The following AP3B2 variants were observed in gnomAD, a reference collection of about 807,000 sequenced individuals.
The protein encoded by AP3B2 is adaptor related protein complex 3 subunit beta 2, also known as AP-3 complex subunit beta-2.
A neutral mutation model predicts 126.9 loss-of-function variants in AP3B2; 50 were observed. The ratio of observed to expected loss-of-function variants is 0.39; its 90% CI spans 0.31 to 0.50. The LOEUF is 0.50. AP3B2 is among the 20% of genes least tolerant of loss of function. The pLI is 0.79. For missense variants in AP3B2, 1,177 were observed against 1,426.4 expected, an observed-to-expected ratio of 0.83 and a Z score of 2.82; for synonymous variants, 541 against 565.0, an observed-to-expected ratio of 0.96 and a Z score of 0.60.
intron 1 of AP3B2, chr15:82,699,568 G>A (rs1292184217): frequency 2.5e-6 from 1 of 399,302 alleles, no homozygotes; most frequent in South Asian, 1.3e-4. Flanking sequence ...TGGGCTGAGA[G>A]TGCAACTGCC....
intron 1 of AP3B2, among the ~76,000 whole-genome samples, chr15:82,696,363 A>C (rs1394185044): frequency 1.3e-5 from 2 of 152,198 alleles, no homozygotes; most frequent in Admixed American, 1.3e-4. Flanking sequence ...AGATCACTTA[A>C]GGTCAGGAGT....
chr15:82,665,643 G>A lies in AP3B2; in HGVS notation c.1853-68C>T. The A allele has an allele frequency of 1.6e-6, 2 of 1,284,622 alleles. No individual in the cohort carries two copies. Among genetic ancestry groups the A allele is most frequent in the South Asian group, 1.3e-5 (1 of 79,440 alleles). 79.6% of individuals were successfully genotyped at this position (1,284,622 alleles called of 1,614,324 possible). ...GAAAGCTCTGGGAGCTGTTTTCCAG[G>A]TGGGGCTGGGTGGTGATTCTGGTTG... On this transcript the variant is annotated intron_variant, in intron 15 of 26. Transcript: ENST00000535359. This position sits in a 1 kb window ranked among gnomAD's most constrained non-coding sequence, Gnocchi z 4.4.
chr15:82,687,531 C>T (rs769338290), intron 4 of AP3B2: 8 of 152,170 alleles, frequency 5.3e-5, no homozygotes, highest in East Asian at 1.9e-4. Context: ...CAATCTAAGA[C>T]GGATTCCATG....
chr15:82,692,026 T>TGACG (rs1272512105), intron 1 of AP3B2: 2 of 1,471,208 alleles, frequency 1.4e-6, no homozygotes, highest in East Asian at 2.3e-5. Flanking sequence ...GCCAGCTGCC[T>TGACG]GAGGAAGTCC....
chr15:82,689,827 G>A (rs2048494056), intron 1 of AP3B2: 1 of 215,840 alleles, frequency 4.6e-6, no homozygotes, highest in African/African-American at 2.3e-5. Flanking sequence ...TGTGGGCTGG[G>A]TGTGGCGGCT....
At chr15:82,675,184 C>T (rs370661002) in intron 14 of AP3B2, among the ~76,000 whole-genome samples, 25 of 152,226 alleles carry the variant, frequency 1.6e-4, no homozygotes, top group African/African-American at 5.8e-4. Flanking sequence ...CTCCAATCTG[C>T]TTTGCCCACA....
chr15:82,671,678 T>C (rs551012593), intron 14 of AP3B2, among the ~76,000 whole-genome samples: 2 of 150,424 alleles, frequency 1.3e-5, no homozygotes, highest in Non-Finnish European at 3.0e-5. Context: ...GAGGCAGAGG[T>C]TGCAGTGAGG....
rs567744729 is a variant in AP3B2 at position 82,692,114 on chromosome 15, G to C, written c.114-2661C>G. ...CCACGGGGCCACCCACCCCGACTTC[G>C]TAAGTCCTGGAGAACTCCACACGAA... On this transcript the variant is annotated intron_variant, in intron 1 of 26. Coordinates refer to ENST00000535359, the MANE Select transcript of AP3B2 (RefSeq NM_001278512.2). 46 of 1,491,794 alleles carry C rather than the reference G, an allele frequency of 3.1e-5. No homozygotes were observed. In the South Asian group the frequency reaches 3.7e-4, roughly 12 times the overall value. The allele number at this position is 1,491,794 out of a possible 1,614,324, so 92.4% of individuals were successfully genotyped here.
In AP3B2 at chr15:82,680,089, G is replaced by A. The variant is rs559840537; in HGVS notation, c.1110+86C>T. The A allele has an allele frequency of 9.7e-5, 151 of 1,558,298 alleles. No homozygotes were observed. In the African/African-American group the frequency reaches 1.7e-3, roughly 17 times the overall value. ...GTATTCCTCCATCTTCCCTTTCCCC[G>A]GCCCCGGTCCCAGCCCCGACAACGC... On this transcript the variant is annotated intron_variant, in intron 9 of 26. Coordinates refer to ENST00000535359, the MANE Select transcript of AP3B2 (RefSeq NM_001278512.2). The surrounding 1 kb of genome is among the most constrained non-coding windows in gnomAD (Gnocchi z 6.1).
At chr15:82,679,249 G>A (rs934913797) in intron 10 of AP3B2, among the ~76,000 whole-genome samples, 1 of 152,114 alleles carries the variant, frequency 6.6e-6, no homozygotes, top group African/African-American at 2.4e-5. Flanking sequence ...TCAGCCTCTC[G>A]AGTAGCTGGG....
At chr15:82,671,546 G>A (rs1347327227) in intron 14 of AP3B2, among the ~76,000 whole-genome samples, 1 of 151,354 alleles carries the variant, frequency 6.6e-6, no homozygotes. Context: ...AGACCATCCT[G>A]GCCAACATGG....
chr15:82,693,941 T>C (rs1216114852), intron 1 of AP3B2, among the ~76,000 whole-genome samples: 1 of 152,164 alleles, frequency 6.6e-6, no homozygotes, highest in Non-Finnish European at 1.5e-5. Context: ...CCTCAGTTGA[T>C]CCGCCCACCT....
At chr15:82,694,860 A>T (rs1228785901) in intron 1 of AP3B2, among the ~76,000 whole-genome samples, 1 of 152,144 alleles carries the variant, frequency 6.6e-6, no homozygotes, top group African/African-American at 2.4e-5. Flanking sequence ...AGAAATATAT[A>T]TTTGGTCTCT....
intron 23 of AP3B2, 175 bp from the exon 24 acceptor site, chr15:82,662,427 C>T: frequency 1.5e-6 from 1 of 656,344 alleles, no homozygotes; most frequent in Non-Finnish European, 2.6e-6. Context: ...ACTCTAAGCA[C>T]CCTTTCCCCC....
Position 82,663,130 on chromosome 15 carries a change from C to T in AP3B2, c.2601G>A (p.Pro867=), listed in dbSNP as rs372227718. The T allele has an allele frequency of 7.1e-5, 114 of 1,609,252 alleles. No individual in the cohort carries two copies. Among genetic ancestry groups the T allele is most frequent in the African/African-American group, 6.1e-4 (46 of 74,946 alleles). Residue 867 remains proline (P), a synonymous_variant, in exon 22 of 27, where the codon CCG becomes CCA. Transcript: ENST00000535359. The stretch of plus-strand genomic sequence containing the variant: ...TCCCCTCCTCCATCCCACTCACCGA[C>T]GGTACCAGGGTGGAGTCTGTGAGTG... ...GLTLTDSTLV[P]SLLSPVSGVG... is the part of the protein sequence containing the mutation.
intron 23 of AP3B2, 84 bp from the exon 24 acceptor site, chr15:82,662,336 T>C (rs2047965336): frequency 9.6e-7 from 1 of 1,047,046 alleles, no homozygotes; most frequent in Non-Finnish European, 1.4e-6. Context: ...CCTACTCTCC[T>C]CTCCACTGTC....
intron 4 of AP3B2, chr15:82,685,520 T>C (rs1156577784): frequency 1.3e-5 from 2 of 152,236 alleles, no homozygotes; most frequent in Admixed American, 1.3e-4. Flanking sequence ...AATTCTGGAA[T>C]TGACTTTTAA....
intron 1 of AP3B2, among the ~76,000 whole-genome samples, chr15:82,694,170 A>AT (rs1567272911): frequency 6.6e-6 from 1 of 151,076 alleles, no homozygotes. Flanking sequence ...TGCCTGGCAA[A>AT]TTTTTTGTAT....
rs768300997 is a variant in AP3B2 at position 82,676,656 on chromosome 15, A to G, written c.1489-19T>C. On this transcript the variant is annotated intron_variant, in intron 13 of 26. Coordinates refer to ENST00000535359, the MANE Select transcript of AP3B2 (RefSeq NM_001278512.2). ...TGGGCACCTGTGGTTGTGGGAGAGG[A>G]GTGAAGATGGGTAAATACGGGAAAG... The G allele has an allele frequency of 6.2e-7, 1 of 1,612,650 alleles. No homozygotes were observed. Among genetic ancestry groups the G allele is most frequent in the South Asian group, 1.1e-5 (1 of 90,872 alleles).
Sources: gnomAD v4.1 joint callset for allele counts (sites outside exome capture counted in the v4.1 genomes callset) on GRCh38, gnomAD v4.1.1 for gene constraint, Gnocchi (gnomAD v3.1) non-coding constraint, MANE v1.5 for transcripts, NCBI Gene and HGNC (gene_info 2026-07-23, HGNC 2026-07-21) for gene names.